Variants in KHDRBS2 observed in about 807,000 individuals in gnomAD.
The protein encoded by KHDRBS2 is KH RNA binding domain containing, signal transduction associated 2.
KHDRBS2 carries 26 observed loss-of-function variants against 44.3 expected under a neutral mutation model. The ratio of observed to expected loss-of-function variants is 0.59; its 90% CI spans 0.43 to 0.81. The LOEUF (loss-of-function observed/expected upper bound fraction) is 0.81. Ranked by LOEUF, KHDRBS2 falls within the 40% of genes least tolerant of loss-of-function variation. The pLI is 0.00. For synonymous variants in KHDRBS2, 194 were observed against 151.1 expected, an observed-to-expected ratio of 1.28 and a Z score of -2.08; for missense variants, 476 against 433.1, an observed-to-expected ratio of 1.10 and a Z score of -0.88.
intron 4 of KHDRBS2, among the ~76,000 whole-genome samples, chr6:61,907,472 A>T (rs1805246222): frequency 6.6e-6 from 1 of 152,152 alleles, no homozygotes; most frequent in Admixed American, 6.5e-5. Flanking sequence ...TACTCAAGAA[A>T]TCTTTCCCCA....
intron 2 of KHDRBS2, among the ~76,000 whole-genome samples, chr6:62,049,263 T>C (rs1413733213): frequency 6.6e-6 from 1 of 151,422 alleles, no homozygotes; most frequent in Non-Finnish European, 1.5e-5. Context: ...TTTCAACAAA[T>C]GGTAATGAAA....
intron 6 of KHDRBS2, among the ~76,000 whole-genome samples, chr6:61,794,043 C>T (rs994692679): frequency 6.6e-6 from 1 of 151,916 alleles, no homozygotes; most frequent in African/African-American, 2.4e-5. Context: ...TTTATTTGCT[C>T]AAAAAGGTGT....
chr6:61,900,761 A>T (rs1583412392), intron 5 of KHDRBS2, among the ~76,000 whole-genome samples: 1 of 152,324 alleles, frequency 6.6e-6, no homozygotes, highest in East Asian at 1.9e-4. Flanking sequence ...ATCTGGGAAG[A>T]CTATATCAAT....
At chr6:62,260,694 G>A (rs544725674) in intron 1 of KHDRBS2, among the ~76,000 whole-genome samples, 10 of 151,892 alleles carry the variant, frequency 6.6e-5, no homozygotes, top group Admixed American at 5.3e-4. Context: ...ATCTAACTCC[G>A]AAGCTACATT....
chr6:61,558,306 T>A, the KHDRBS2 span, among the ~76,000 whole-genome samples: 2 of 152,122 alleles, frequency 1.3e-5, no homozygotes, highest in African/African-American at 4.8e-5. Context: ...TCACACCTGT[T>A]ATTCCAACAC....
intron 6 of KHDRBS2, among the ~76,000 whole-genome samples, chr6:61,865,800 G>A (rs1487891921): frequency 6.6e-6 from 1 of 152,118 alleles, no homozygotes; most frequent in Non-Finnish European, 1.5e-5. Context: ...CAAAACAAAG[G>A]GGCTACAGGC....
rs114898874 is a variant in KHDRBS2 at position 61,961,531 on chromosome 6, C to G, written c.483+16535G>C. Among the ~76,000 whole-genome samples, 1,424 of 151,876 alleles carry G rather than the reference C, an allele frequency of 9.4e-3. 12 individuals carry two copies. The highest frequency in any genetic ancestry group is 0.016 in the Non-Finnish European group (1,085 of 67,910). The stretch of plus-strand genomic sequence containing the variant: ...GAATGAGGAGTGCTGGCAAGGGGAG[C>G]AAGATGTTTTAAGTAGGGTTGTTGG... On this transcript the variant is annotated intron_variant, in intron 4 of 8. Coordinates refer to ENST00000281156, the MANE Select transcript of KHDRBS2 (RefSeq NM_152688.4).
At chr6:62,002,089 T>A (rs1363814123) in intron 3 of KHDRBS2, among the ~76,000 whole-genome samples, 2 of 152,038 alleles carry the variant, frequency 1.3e-5, no homozygotes, top group African/African-American at 2.4e-5. Context: ...CTTTTTTGAT[T>A]ACCTTGAGTA....
intron 4 of KHDRBS2, among the ~76,000 whole-genome samples, chr6:61,926,372 C>T (rs767648415): frequency 1.3e-5 from 2 of 152,080 alleles, no homozygotes; most frequent in African/African-American, 2.4e-5. Flanking sequence ...GAAATGAAAC[C>T]TCTGCAGGCA....
chr6:62,217,008 CAGAA>C (rs1830117330), intron 1 of KHDRBS2, among the ~76,000 whole-genome samples: 1 of 142,632 alleles, frequency 7.0e-6, no homozygotes, highest in Non-Finnish European at 1.5e-5. Context: ...TATATCTTCT[CAGAA>C]AGAGATGATC....
chr6:62,166,245 T>G (rs748193094), intron 2 of KHDRBS2, among the ~76,000 whole-genome samples: 4 of 152,032 alleles, frequency 2.6e-5, no homozygotes, highest in Non-Finnish European at 5.9e-5. Context: ...TGGGCTGTTT[T>G]TATCTTTCGG....
intron 1 of KHDRBS2, among the ~76,000 whole-genome samples, chr6:62,183,329 A>C (rs879673797): frequency 6.6e-6 from 1 of 151,694 alleles, no homozygotes; most frequent in Non-Finnish European, 1.5e-5. Flanking sequence ...TTTCCTCTAA[A>C]GTCAAAATTT....
At chr6:61,931,743 T>C (rs780772525) in intron 4 of KHDRBS2, among the ~76,000 whole-genome samples, 5 of 152,154 alleles carry the variant, frequency 3.3e-5, no homozygotes, top group Non-Finnish European at 7.4e-5. Flanking sequence ...TCTACTTATA[T>C]GCAGATTTTT....
intron 6 of KHDRBS2, among the ~76,000 whole-genome samples, chr6:61,749,939 A>G (rs1777416916): frequency 6.6e-6 from 1 of 152,132 alleles, no homozygotes; most frequent in Non-Finnish European, 1.5e-5. Context: ...GTCAGTCTAT[A>G]TTTGTTATTG....
At chr6:61,748,208 C>T (rs188006821) in intron 6 of KHDRBS2, among the ~76,000 whole-genome samples, 2 of 152,240 alleles carry the variant, frequency 1.3e-5, no homozygotes, top group African/African-American at 4.8e-5. Context: ...AAAGGCTGGC[C>T]TCAAACTCCT....
chr6:61,807,054 C>A (rs1490775169), intron 6 of KHDRBS2, among the ~76,000 whole-genome samples: 2 of 151,936 alleles, frequency 1.3e-5, no homozygotes, highest in Non-Finnish European at 2.9e-5. Context: ...ATACAGATGG[C>A]CAATAAGCAT....
chr6:62,127,782 T>A (rs1045306646), intron 2 of KHDRBS2, among the ~76,000 whole-genome samples: 19 of 152,188 alleles, frequency 1.2e-4, no homozygotes, highest in African/African-American at 4.6e-4. Context: ...ATTTATAGTT[T>A]CCACATAACA....
intron 6 of KHDRBS2, among the ~76,000 whole-genome samples, chr6:61,876,181 G>A (rs1041272394): frequency 6.6e-6 from 1 of 151,960 alleles, no homozygotes; most frequent in Non-Finnish European, 1.5e-5. Flanking sequence ...CTTACTGATT[G>A]CTGAAGTCTC....
chr6:62,132,960 A>G (rs1810673000), intron 2 of KHDRBS2, among the ~76,000 whole-genome samples: 1 of 152,220 alleles, frequency 6.6e-6, no homozygotes, highest in Admixed American at 6.5e-5. Flanking sequence ...GCGTTTTTCC[A>G]TAAAGGGCCA....
Sources: allele counts gnomAD v4.1 joint callset (sites outside exome capture counted in the v4.1 genomes callset), GRCh38; gene constraint gnomAD v4.1.1; transcripts MANE v1.5; gene names NCBI Gene and HGNC (gene_info 2026-07-23, HGNC 2026-07-21).